Variants in EHMT1 observed in about 807,000 individuals in gnomAD.
EHMT1 encodes euchromatic histone lysine methyltransferase 1.
A neutral mutation model predicts 147.2 loss-of-function variants in EHMT1; 15 were observed. That is an observed-to-expected ratio of 0.10 (90% confidence interval 0.07 to 0.16). The LOEUF is 0.16. EHMT1 is among the 10% of genes least tolerant of loss of function. EHMT1 has a pLI of 1.00. For missense variants in EHMT1, 1,587 were observed against 1,772.4 expected (o/e 0.90, Z 1.88); for synonymous variants, 795 against 709.6 (o/e 1.12, Z -1.91).
intron 2 of EHMT1, among the ~76,000 whole-genome samples, chr9:137,714,890 A>G (rs1945073035): frequency 6.6e-6 from 1 of 152,134 alleles, no homozygotes; most frequent in Admixed American, 6.6e-5. Context: ...TTGTAATGTC[A>G]TCCATTTAGG....
intron 25 of EHMT1, among the ~76,000 whole-genome samples, chr9:137,825,552 C>G (rs958588676): frequency 1.3e-5 from 2 of 152,108 alleles, no homozygotes; most frequent in Non-Finnish European, 2.9e-5. Context: ...GGTGGGAGGG[C>G]AAGTGCAGCA....
intron 15 of EHMT1, chr9:137,784,339 C>T (rs1021815616): frequency 8.8e-5 from 114 of 1,294,730 alleles, no homozygotes; most frequent in South Asian, 3.6e-4. Context: ...AAGGCCCAGC[C>T]TCAAAACCTC....
intron 3 of EHMT1, among the ~76,000 whole-genome samples, chr9:137,718,337 G>T (rs910553046): frequency 6.6e-6 from 1 of 152,252 alleles, no homozygotes; most frequent in Non-Finnish European, 1.5e-5. Context: ...CTCTCAGTTT[G>T]ATGTGAATTT....
At chr9:137,710,520 C>A (rs1324005698) in intron 1 of EHMT1, among the ~76,000 whole-genome samples, 1 of 152,144 alleles carries the variant, frequency 6.6e-6, no homozygotes, top group African/African-American at 2.4e-5. Flanking sequence ...TCTATAGATG[C>A]TTAATCTCAA....
Position 137,811,569 on chromosome 9 carries a change from T to A in EHMT1, c.2821T>A (p.Ser941Thr). Residue 941 changes from serine to threonine, a missense_variant, in exon 19 of 27, where the codon TCG becomes ACG. Coordinates refer to ENST00000460843, the MANE Select transcript of EHMT1 (RefSeq NM_024757.5). Reference protein sequence around the residue: ...DLHAVNIHGDSPLHIAARENR... With the variant: ...DLHAVNIHGDTPLHIAARENR... ...CCACGCCGTGAACATCCACGGAGAC[T>A]CGCCACTGCACATTGCCGCCCGGGA... The A allele has an allele frequency of 6.2e-7, 1 of 1,607,226 alleles. No individual in the cohort carries two copies. The highest frequency in any genetic ancestry group is 1.1e-5 in the South Asian group (1 of 91,086).
chr9:137,775,888 T>G lies in EHMT1; in HGVS notation c.1791+636T>G, dbSNP rs1486032850. On this transcript the variant is annotated intron_variant, in intron 11 of 26. Transcript: ENST00000460843. The surrounding 1 kb of genome is among the most constrained non-coding windows in gnomAD (Gnocchi z 6.1). ...GGCATCCTCGTGCATGTAGGGTGTG[T>G]GTGTGTGTGTGTCTGTGCGCGCACA... Among the ~76,000 whole-genome samples the G allele has an allele frequency of 6.6e-6, 1 of 151,470 alleles. No homozygotes were observed. The highest frequency in any genetic ancestry group is 1.5e-5 in the Non-Finnish European group (1 of 67,940).
chr9:137,725,261 T>C (rs966235862), intron 3 of EHMT1, among the ~76,000 whole-genome samples: 1 of 145,336 alleles, frequency 6.9e-6, no homozygotes, highest in Non-Finnish European at 1.5e-5. Context: ...ACATGTGGCC[T>C]TCGTGTGGCA....
At chr9:137,657,490 C>T (rs974064521) in intron 1 of EHMT1, among the ~76,000 whole-genome samples, 2 of 147,718 alleles carry the variant, frequency 1.4e-5, no homozygotes, top group Admixed American at 6.7e-5. Context: ...AGCCAGTGCA[C>T]CTGGTTGCTT....
At chr9:137,698,474 C>T (rs952584539) in intron 1 of EHMT1, among the ~76,000 whole-genome samples, 16 of 152,200 alleles carry the variant, frequency 1.1e-4, no homozygotes, top group African/African-American at 3.9e-4. Flanking sequence ...ATTGAAGCTG[C>T]CTAACACCAG....
intron 1 of EHMT1, among the ~76,000 whole-genome samples, chr9:137,693,588 A>G (rs1339564279): frequency 0.051 from 2,720 of 53,288 alleles, no homozygotes; most frequent in Middle Eastern, 0.14. Flanking sequence ...ACACAGTGGC[A>G]CAGGACGCTG....
chr9:137,665,071 C>T (rs1939485078), intron 1 of EHMT1: 1 of 152,096 alleles, frequency 6.6e-6, no homozygotes, highest in Non-Finnish European at 1.5e-5. Flanking sequence ...TATAGAATAG[C>T]ATTTATAGAG....
chr9:137,635,953 G>C (rs1224584135), intron 1 of EHMT1, among the ~76,000 whole-genome samples: 2 of 150,186 alleles, frequency 1.3e-5, no homozygotes, highest in Admixed American at 6.6e-5. Flanking sequence ...GGGGAGTCTT[G>C]CTCTGTCGCC....
intron 18 of EHMT1, among the ~76,000 whole-genome samples, chr9:137,810,201 C>G (rs113508752): frequency 1.9e-5 from 2 of 105,596 alleles, no homozygotes; most frequent in African/African-American, 2.5e-4. Context: ...CCGTGTGGAC[C>G]GTCGGTGATG....
At chr9:137,824,530 G>A (rs975186579) in intron 25 of EHMT1, among the ~76,000 whole-genome samples, 1 of 151,966 alleles carries the variant, frequency 6.6e-6, no homozygotes, top group African/African-American at 2.4e-5. Context: ...GAGCCCGGGC[G>A]TCAGTACAGG....
chr9:137,688,873 C>T (rs916581172), intron 1 of EHMT1, among the ~76,000 whole-genome samples: 5 of 152,138 alleles, frequency 3.3e-5, no homozygotes, highest in Non-Finnish European at 4.4e-5. Context: ...TGGTCACATC[C>T]GCGGATGGCC....
chr9:137,691,865 G>A (rs1361330603), intron 1 of EHMT1, among the ~76,000 whole-genome samples: 1 of 152,166 alleles, frequency 6.6e-6, no homozygotes, highest in East Asian at 1.9e-4. Context: ...CACATGCGAA[G>A]CGCCCTGTCT....
At chr9:137,790,725 C>G in intron 15 of EHMT1, 123 bp from the exon 16 acceptor site, 1 of 1,361,990 alleles carries the variant, frequency 7.3e-7, no homozygotes, top group Non-Finnish European at 1.0e-6. Context: ...AAAACTCAGA[C>G]ATTGTTGGTC....
intron 1 of EHMT1, among the ~76,000 whole-genome samples, chr9:137,645,845 C>CT (rs1166102451): frequency 6.6e-6 from 1 of 151,878 alleles, no homozygotes; most frequent in African/African-American, 2.4e-5. Flanking sequence ...ATTTCAGAGG[C>CT]TTAGTACGAT....
intron 1 of EHMT1, among the ~76,000 whole-genome samples, chr9:137,625,102 A>G (rs1167897757): frequency 6.8e-6 from 1 of 147,764 alleles, no homozygotes; most frequent in Non-Finnish European, 1.5e-5. Context: ...GGCTGGTCTA[A>G]AATTCCTGAC....
Sources: allele counts gnomAD v4.1 joint callset (sites outside exome capture counted in the v4.1 genomes callset), GRCh38; gene constraint gnomAD v4.1.1; non-coding constraint Gnocchi (gnomAD v3.1); transcripts MANE v1.5; gene names NCBI Gene and HGNC (gene_info 2026-07-23, HGNC 2026-07-21).